Variants in SLC9A9 observed in about 807,000 individuals in gnomAD.
SLC9A9 encodes the protein solute carrier family 9 member A9.
In SLC9A9, 62 loss-of-function variants were observed where a neutral mutation model predicts 77.8. That is an observed-to-expected ratio of 0.80 (90% CI 0.65 to 0.98). The LOEUF (loss-of-function observed/expected upper bound fraction) is 0.98, where lower values mean the gene tolerates loss of function less well. Among genes scored for constraint, SLC9A9 ranks in the 50% least tolerant of loss-of-function variants. The pLI is 0.00. For synonymous variants in SLC9A9, 320 were observed against 283.5 expected (o/e 1.13, Z -1.29); for missense variants, 775 against 774.9 (o/e 1.00, Z 0.00).
chr3:143,672,156 T>C (rs2039164961), intron 5 of SLC9A9, among the ~76,000 whole-genome samples: 2 of 151,548 alleles, frequency 1.3e-5, no homozygotes, highest in African/African-American at 2.4e-5. Flanking sequence ...GCCCTGGTAC[T>C]GAAGGAACTA....
Position 143,355,886 on chromosome 3 carries a change from T to G in SLC9A9, c.1604+7598A>C, listed in dbSNP as rs188747652. Among the ~76,000 whole-genome samples the G allele has an allele frequency of 7.2e-5, 11 of 152,358 alleles. No individual in the cohort carries two copies. In the East Asian group the frequency reaches 2.1e-3, roughly 29 times the overall value. On this transcript the variant is annotated intron_variant, in intron 14 of 15. Transcript: ENST00000316549. Reference sequence around the variant, plus strand: ...TTTATCCACTCTACAAGGGGAGAAGTGACCTTCTGATTTCTTATTTGTGTA... The same window carrying G: ...TTTATCCACTCTACAAGGGGAGAAGGGACCTTCTGATTTCTTATTTGTGTA...
intron 12 of SLC9A9, among the ~76,000 whole-genome samples, chr3:143,440,393 G>A (rs1157425610): frequency 6.6e-6 from 1 of 152,178 alleles, no homozygotes; most frequent in Non-Finnish European, 1.5e-5. Flanking sequence ...GGGTGCTCTG[G>A]AGAATGAGGA....
chr3:143,431,024 T>C (rs1205893400), intron 12 of SLC9A9, among the ~76,000 whole-genome samples: 1 of 152,250 alleles, frequency 6.6e-6, no homozygotes, highest in Non-Finnish European at 1.5e-5. Flanking sequence ...CTGCTTCCTC[T>C]AGGTTTCCTA....
In SLC9A9 at chr3:143,505,147, C is replaced by T. The variant is rs117307417; in HGVS notation, c.1090-9699G>A. On this transcript the variant is annotated intron_variant, in intron 9 of 15. Transcript: ENST00000316549. ...GGAAGCAACAGTGTGTGGCTTGAGG[C>T]GGGGGATACTTATCCTCTCCCAAAT... Among the ~76,000 whole-genome samples the T allele has an allele frequency of 3.9e-5, 6 of 152,132 alleles. 1 individual carries two copies. The South Asian group carries it at 8.3e-4, about 21-fold the overall frequency.
chr3:143,383,734 C>A (rs1051621838), intron 12 of SLC9A9, among the ~76,000 whole-genome samples: 1 of 152,162 alleles, frequency 6.6e-6, no homozygotes, highest in Non-Finnish European at 1.5e-5. Flanking sequence ...TCCACCAGAG[C>A]CCTTCCTGTG....
At chr3:143,730,215 G>A (rs893808905) in intron 4 of SLC9A9, among the ~76,000 whole-genome samples, 3 of 152,204 alleles carry the variant, frequency 2.0e-5, no homozygotes, top group African/African-American at 7.2e-5. Flanking sequence ...TGAAAGCGTG[G>A]TATTTTGGGG....
At chr3:143,431,811 C>G (rs139570736) in intron 12 of SLC9A9, among the ~76,000 whole-genome samples, 191 of 152,132 alleles carry the variant, frequency 1.3e-3, no homozygotes, top group African/African-American at 4.3e-3. Flanking sequence ...TAAACTCAGC[C>G]CCTCCTACTC....
intron 12 of SLC9A9, among the ~76,000 whole-genome samples, chr3:143,460,791 C>T (rs6779984): frequency 0.28 from 42,620 of 151,866 alleles, 6,164 homozygotes; most frequent in East Asian, 0.49. Context: ...TTGTTATAAA[C>T]CTAGAATATT....
At chr3:143,396,712 C>T (rs1365378145) in intron 12 of SLC9A9, among the ~76,000 whole-genome samples, 1 of 152,130 alleles carries the variant, frequency 6.6e-6, no homozygotes, top group African/African-American at 2.4e-5. Flanking sequence ...GTCTTTGCTA[C>T]TCAGGCCTCC....
intron 13 of SLC9A9, among the ~76,000 whole-genome samples, chr3:143,372,624 A>C (rs2033082959): frequency 6.6e-6 from 1 of 152,192 alleles, no homozygotes; most frequent in South Asian, 2.1e-4. Context: ...ATGGGGCCTA[A>C]TTAATCTAAT....
intron 6 of SLC9A9, among the ~76,000 whole-genome samples, chr3:143,585,400 G>T (rs1464281250): frequency 6.6e-6 from 1 of 152,156 alleles, no homozygotes; most frequent in Non-Finnish European, 1.5e-5. Context: ...GGACTCAAAA[G>T]AATGCAACCT....
intron 1 of SLC9A9, among the ~76,000 whole-genome samples, chr3:143,839,565 T>G (rs1046594740): frequency 1.3e-5 from 2 of 151,996 alleles, no homozygotes; most frequent in Admixed American, 6.6e-5. Context: ...ATAGCACATA[T>G]GTAAACATAC....
chr3:143,578,786 C>T (rs539238460), intron 6 of SLC9A9, 63 bp from the exon 7 acceptor site: 77 of 1,598,578 alleles, frequency 4.8e-5, no homozygotes, highest in South Asian at 3.6e-4. Flanking sequence ...GATAGGATTT[C>T]GCACCCACTT....
rs531813195 is a variant in SLC9A9 at position 143,331,691 on chromosome 3, C to T, written c.1604+31793G>A. Reference sequence around the variant, plus strand: ...GCACTGGGAAACAAAGATGAGTAAGCGATAGTATCTGCCACCAAGGAGTCC... The same window carrying T: ...GCACTGGGAAACAAAGATGAGTAAGTGATAGTATCTGCCACCAAGGAGTCC... On this transcript the variant is annotated intron_variant, in intron 14 of 15. Coordinates refer to ENST00000316549, the MANE Select transcript of SLC9A9 (RefSeq NM_173653.4). Among the ~76,000 whole-genome samples the T allele has an allele frequency of 3.9e-5, 6 of 152,264 alleles. 1 individual carries two copies. Among genetic ancestry groups the T allele is most frequent in the African/African-American group, 1.4e-4 (6 of 41,528 alleles).
At chr3:143,704,498 A>C (rs551449157) in intron 4 of SLC9A9, among the ~76,000 whole-genome samples, 5 of 152,308 alleles carry the variant, frequency 3.3e-5, no homozygotes, top group Admixed American at 1.3e-4. Flanking sequence ...GATGACAAAA[A>C]CGCATTTGAT....
At chr3:143,570,645 C>T (rs1225987281) in intron 8 of SLC9A9, among the ~76,000 whole-genome samples, 2 of 151,938 alleles carry the variant, frequency 1.3e-5, no homozygotes, top group Non-Finnish European at 2.9e-5. Flanking sequence ...TTTTGGAAAA[C>T]ATTCACTATA....
At chr3:143,745,571 T>C (rs1935181157) in intron 4 of SLC9A9, among the ~76,000 whole-genome samples, 1 of 152,200 alleles carries the variant, frequency 6.6e-6, no homozygotes, top group Non-Finnish European at 1.5e-5. Context: ...TAAGCCCACT[T>C]AAAGTCTCAG....
chr3:143,666,622 G>A (rs1340029610), intron 5 of SLC9A9, among the ~76,000 whole-genome samples: 21 of 152,176 alleles, frequency 1.4e-4, no homozygotes. Flanking sequence ...AAGCTGATAA[G>A]CAACTTCAGC....
chr3:143,720,991 T>C lies in SLC9A9; in HGVS notation c.534-27684A>G, dbSNP rs572737294. Among the ~76,000 whole-genome samples the C allele has an allele frequency of 2.6e-5, 4 of 152,334 alleles. No individual in the cohort carries two copies. The South Asian group carries it at 8.3e-4, about 32-fold the overall frequency. ...GGGGAGGCCAAGGTAAGAGGACCAC[T>C]TGAGCCCTAGAGTTCGAGACCAGCC... is the stretch of plus-strand genomic sequence containing the variant. On this transcript the variant is annotated intron_variant, in intron 4 of 15. Transcript: ENST00000316549.
Sources: gnomAD v4.1 joint callset for allele counts (sites outside exome capture counted in the v4.1 genomes callset) on GRCh38, gnomAD v4.1.1 for gene constraint, MANE v1.5 for transcripts, NCBI Gene and HGNC (gene_info 2026-07-23, HGNC 2026-07-21) for gene names.